ZNF721: variants seen among roughly 807,000 people sequenced by gnomAD.
The protein encoded by ZNF721 is zinc finger protein 721.
ZNF721 carries 2 observed loss-of-function variants against 2.4 expected under a neutral mutation model. The ratio of observed to expected loss-of-function variants is 0.82; its 90% CI spans 0.34 to 2.58. The LOEUF (loss-of-function observed/expected upper bound fraction) is 2.58, where lower values mean the gene tolerates loss of function less well. Ranked by LOEUF, ZNF721 falls within the 30% of genes most tolerant of loss-of-function variation. The probability of loss-of-function intolerance (pLI) is 0.11; values close to 1 mark genes in which losing one functional copy is unlikely to be tolerated. For missense variants in ZNF721, 1,187 were observed against 1,085.5 expected, an observed-to-expected ratio of 1.09 and a Z score of -1.31; for synonymous variants, 398 against 381.8, an observed-to-expected ratio of 1.04 and a Z score of -0.50.
At chr4:454,670 A>C (rs7669116) in intron 2 of ZNF721, among the ~76,000 whole-genome samples, 2,217 of 152,244 alleles carry the variant, frequency 0.015, 55 homozygotes, top group African/African-American at 0.049. Flanking sequence ...GTATTTTCCT[A>C]CAATTGAGGA....
intron 2 of ZNF721, among the ~76,000 whole-genome samples, chr4:455,107 G>C (rs910180864): frequency 6.6e-6 from 1 of 152,146 alleles, no homozygotes; most frequent in East Asian, 1.9e-4. Flanking sequence ...GTAAATATAT[G>C]TATCTCTTTT....
intron 1 of ZNF721, among the ~76,000 whole-genome samples, chr4:485,574 A>G (rs1553870143): frequency 6.6e-6 from 1 of 152,182 alleles, no homozygotes; most frequent in African/African-American, 2.4e-5. Context: ...TTTGAGAAAT[A>G]TTATTTTCAA....
chr4:463,642 A>G (rs1715141993), intron 2 of ZNF721, among the ~76,000 whole-genome samples: 2 of 152,204 alleles, frequency 1.3e-5, no homozygotes. Context: ...CATTCTCAGC[A>G]AACTAACACA....
intron 1 of ZNF721, among the ~76,000 whole-genome samples, chr4:479,491 G>C (rs1443059021): frequency 6.6e-6 from 1 of 152,212 alleles, no homozygotes; most frequent in African/African-American, 2.4e-5. Flanking sequence ...GAAATAAGAA[G>C]GTGTGGAGGC....
chr4:460,796 C>T lies in ZNF721; in HGVS notation c.34+11779G>A, dbSNP rs145450643. 4.7e-3 allele frequency among the ~76,000 whole-genome samples: 710 copies of T among 152,216 alleles called. 7 individuals are homozygous for T. Among genetic ancestry groups the T allele is most frequent in the African/African-American group, 0.016 (667 of 41,542 alleles). The stretch of plus-strand genomic sequence containing the variant: ...ACACTGATCCCACAGCAACAAACTA[C>T]CATCAGAGAATACGATAAACAACTC... On this transcript the variant is annotated intron_variant, in intron 2 of 2. Transcript: ENST00000511833.
At chr4:448,759 A>G (rs917910761) in intron 2 of ZNF721, among the ~76,000 whole-genome samples, 2 of 152,216 alleles carry the variant, frequency 1.3e-5, no homozygotes. Flanking sequence ...GATTAATAAA[A>G]TCTGCCAAAA....
At chr4:496,964 G>C (rs572526776) in intron 1 of ZNF721, among the ~76,000 whole-genome samples, 2 of 151,032 alleles carry the variant, frequency 1.3e-5, no homozygotes. Context: ...CGCCCACCTC[G>C]GCCTCCCAAA....
intron 2 of ZNF721, among the ~76,000 whole-genome samples, chr4:448,198 T>TAAA: frequency 6.6e-6 from 1 of 152,210 alleles, no homozygotes; most frequent in South Asian, 2.1e-4. Flanking sequence ...ATTCAAATTT[T>TAAA]ACAGATTTCT....
At chr4:473,565 C>T (rs1319752496) in intron 1 of ZNF721, among the ~76,000 whole-genome samples, 3 of 152,166 alleles carry the variant, frequency 2.0e-5, no homozygotes, top group African/African-American at 7.2e-5. Flanking sequence ...CCACGAGCCA[C>T]AGCCGGCGCT....
At position 472,845 on chromosome 4, in the gene ZNF721, A is replaced by G. The variant is rs1312978281; in HGVS notation, c.-93-144T>C. The G allele has an allele frequency of 2.6e-6, 3 of 1,170,934 alleles. No homozygotes were observed. The African/African-American group carries it at 4.7e-5, about 18-fold the overall frequency. The allele number at this position is 1,170,934 out of a possible 1,614,324, so 72.5% of individuals were successfully genotyped here. ...ACAGTAATGTTCTCTAAAGTATTCT[A>G]TAGCTCTGCGGAAAAAGGAAGGCAT... On this transcript the variant is annotated intron_variant, in intron 1 of 2. Coordinates refer to ENST00000511833, the MANE Select transcript of ZNF721 (RefSeq NM_133474.4).
rs191538414 is a variant in ZNF721 at position 479,150 on chromosome 4, G to A, written c.-93-6449C>T. ...AGCCCTTTCCCCATTGCTTGGTCAC[G>A]ATAACAGCCATGCAACTCCAAGATG... On this transcript the variant is annotated intron_variant, in intron 1 of 2. Coordinates refer to ENST00000511833, the MANE Select transcript of ZNF721 (RefSeq NM_133474.4). 2.2e-3 allele frequency among the ~76,000 whole-genome samples: 328 copies of A among 152,206 alleles called. 1 individual carries two copies. The highest frequency in any genetic ancestry group is 7.6e-3 in the African/African-American group (314 of 41,518).
rs535410839 is a variant in ZNF721 at position 489,877 on chromosome 4, T to C, written c.-94+9179A>G. Among the ~76,000 whole-genome samples the C allele has an allele frequency of 2.6e-5, 4 of 152,308 alleles. No individual in the cohort carries two copies. The East Asian group carries it at 7.8e-4, about 30-fold the overall frequency. On this transcript the variant is annotated intron_variant, in intron 1 of 2. Coordinates refer to ENST00000511833, the MANE Select transcript of ZNF721 (RefSeq NM_133474.4). Reference sequence around the variant, plus strand: ...TTTTAAATTTAATTGTATTTATTTATTGAGACAGAGTCTTGCTCTGTCGCC... The same window carrying C: ...TTTTAAATTTAATTGTATTTATTTACTGAGACAGAGTCTTGCTCTGTCGCC...
intron 1 of ZNF721, among the ~76,000 whole-genome samples, chr4:488,892 C>G (rs1430882779): frequency 6.6e-6 from 1 of 151,922 alleles, no homozygotes; most frequent in Non-Finnish European, 1.5e-5. Context: ...AGGAGGCAGT[C>G]AGAGGCTGGT....
At chr4:461,765 C>G (rs1196425847) in intron 2 of ZNF721, among the ~76,000 whole-genome samples, 1 of 151,998 alleles carries the variant, frequency 6.6e-6, no homozygotes, top group Non-Finnish European at 1.5e-5. Flanking sequence ...CCCAGCTACT[C>G]GGGAGGCTGA....
chr4:494,359 T>G (rs1209036716), intron 1 of ZNF721, among the ~76,000 whole-genome samples: 2 of 151,816 alleles, frequency 1.3e-5, no homozygotes, highest in South Asian at 2.1e-4. Context: ...TTTTTTTTTT[T>G]GTATGTTTAG....
chr4:482,889 G>A (rs1553869748), intron 1 of ZNF721, among the ~76,000 whole-genome samples: 2 of 152,078 alleles, frequency 1.3e-5, no homozygotes, highest in African/African-American at 4.8e-5. Context: ...ACATTTTCAG[G>A]CAAAAACCCA....
In ZNF721 at chr4:485,595, G is replaced by A. The variant is rs185662206; in HGVS notation, c.-93-12894C>T. 1.1e-3 allele frequency among the ~76,000 whole-genome samples: 173 copies of A among 152,260 alleles called. 2 individuals carry two copies. The highest frequency in any genetic ancestry group is 8.2e-3 in the Admixed American group (126 of 15,296). On this transcript the variant is annotated intron_variant, in intron 1 of 2. Transcript: ENST00000511833. Reference sequence around the variant, plus strand: ...AAATATTATTTTCAACTGGTCCTCCGAAAGATGTTGGTTTACAGCAGACAT... The same window carrying A: ...AAATATTATTTTCAACTGGTCCTCCAAAAGATGTTGGTTTACAGCAGACAT...
rs1205158497 is a variant in ZNF721, at chr4:478,235, G to A, written c.-93-5534C>T. 7.2e-5 allele frequency among the ~76,000 whole-genome samples: 11 copies of A among 152,150 alleles called. 1 individual carries two copies. In the South Asian group the frequency reaches 1.0e-3, roughly 14 times the overall value. ...TAAGGACCTTGCACTTCTTGGTAAC[G>A]TGTTCCTCCTCCCTCAGCTCTTGAC... On this transcript the variant is annotated intron_variant, in intron 1 of 2. Coordinates refer to ENST00000511833, the MANE Select transcript of ZNF721 (RefSeq NM_133474.4).
intron 2 of ZNF721, among the ~76,000 whole-genome samples, chr4:471,534 C>T (rs574690767): frequency 2.2e-4 from 34 of 151,994 alleles, no homozygotes; most frequent in Non-Finnish European, 1.2e-4. Flanking sequence ...AGTAGAATGG[C>T]GATTGTTAGT....
Sources: gnomAD v4.1 joint callset for allele counts (sites outside exome capture counted in the v4.1 genomes callset) on GRCh38, gnomAD v4.1.1 for gene constraint, MANE v1.5 for transcripts, NCBI Gene and HGNC (gene_info 2026-07-23, HGNC 2026-07-21) for gene names.